The following ELL variants were observed in gnomAD, a reference collection of about 807,000 sequenced individuals.
ELL encodes elongation factor for RNA polymerase II, also known as RNA polymerase II elongation factor ELL.
Under a neutral mutation model 64.0 loss-of-function variants are expected in ELL, and 18 were observed. The observed-to-expected ratio is 0.28, with a 90% CI of 0.19 to 0.42. The LOEUF (loss-of-function observed/expected upper bound fraction) is 0.42, where lower values mean the gene tolerates loss of function less well. Among genes scored for constraint, ELL ranks in the 10% least tolerant of loss-of-function variants. ELL has a pLI of 1.00. For missense variants in ELL, 797 were observed against 870.4 expected (o/e 0.92, Z 1.06); for synonymous variants, 399 against 376.2 (o/e 1.06, Z -0.70).
At chr19:18,469,908 T>C (rs1199093650) in intron 2 of ELL, among the ~76,000 whole-genome samples, 1 of 152,178 alleles carries the variant, frequency 6.6e-6, no homozygotes, top group East Asian at 1.9e-4. Context: ...ACTGGATCCA[T>C]GAAGGAACAC....
rs1433282238 is a variant in ELL at position 18,450,526 on chromosome 19, G to A, written c.1416C>T (p.Asp472=). 1 of 1,613,186 alleles carries A rather than the reference G, an allele frequency of 6.2e-7. No homozygotes were observed. Among genetic ancestry groups the A allele is most frequent in the Non-Finnish European group, 8.5e-7 (1 of 1,179,958 alleles). ...AEDKPRAQLP[D]CAPATHATPG... Reference sequence around the variant, plus strand: ...GGGTGGCATGGGTGGCAGGTGCACAGTCTGGAAGCTGGGCCCGGGGCTTGT... The same window carrying A: ...GGGTGGCATGGGTGGCAGGTGCACAATCTGGAAGCTGGGCCCGGGGCTTGT... Residue 472 remains aspartate (D), a synonymous_variant, in exon 8 of 12, where the codon GAC becomes GAT. Transcript: ENST00000262809.
chr19:18,488,530 G>A (rs1242436243), intron 1 of ELL, among the ~76,000 whole-genome samples: 1 of 152,204 alleles, frequency 6.6e-6, no homozygotes, highest in Non-Finnish European at 1.5e-5. Context: ...CTAGGGAGGG[G>A]CTGCATGCTC....
intron 2 of ELL, among the ~76,000 whole-genome samples, chr19:18,467,835 C>T (rs1398569405): frequency 4.7e-5 from 4 of 85,864 alleles, no homozygotes; most frequent in Non-Finnish European, 6.4e-5. Context: ...CCTCCACACA[C>T]GATCTCCCTA....
rs778489177 is a variant in ELL at position 18,465,879 on chromosome 19, G to A, written c.223C>T (p.Arg75Trp). The A allele has an allele frequency of 6.0e-6, 8 of 1,334,096 alleles. No homozygotes were observed. Among genetic ancestry groups the A allele is most frequent in the Admixed American group, 3.0e-5 (1 of 33,232 alleles). 82.6% of individuals were successfully genotyped at this position (1,334,096 alleles called of 1,614,324 possible). Reference sequence around the variant, plus strand: ...TTGGAGAGGTAGAAGGAGAACGTCCGCGCCTCTGCGGGGCAGTCAGGCTGG... The same window carrying A: ...TTGGAGAGGTAGAAGGAGAACGTCCACGCCTCTGCGGGGCAGTCAGGCTGG... ...IPQPDCPAEA[R>W]TFSFYLSNIG... Residue 75 changes from arginine to tryptophan, a missense_variant, in exon 3 of 12, where the codon CGG becomes TGG. Arg to Trp is a moderately radical substitution (Grantham distance 101). Coordinates refer to ENST00000262809, the MANE Select transcript of ELL (RefSeq NM_006532.4).
At chr19:18,464,804 C>A (rs1264160705) in intron 4 of ELL, among the ~76,000 whole-genome samples, 4 of 152,200 alleles carry the variant, frequency 2.6e-5, no homozygotes, top group Non-Finnish European at 5.9e-5. Context: ...GCTCTGTAAA[C>A]AAACAGCACT....
At chr19:18,484,039 G>C (rs1056482949) in intron 1 of ELL, among the ~76,000 whole-genome samples, 1 of 152,234 alleles carries the variant, frequency 6.6e-6, no homozygotes, top group Non-Finnish European at 1.5e-5. Flanking sequence ...GTCGTATGTG[G>C]GCACCTGCTG....
chr19:18,521,650 G>A (rs112551620), intron 1 of ELL, among the ~76,000 whole-genome samples: 1,694 of 152,028 alleles, frequency 0.011, 16 homozygotes, highest in South Asian at 0.049. Context: ...GCCAGGTGCC[G>A]ACACCGACGC....
At chr19:18,459,526 T>TAACAGTTGAGTAA (rs1230110716) in intron 5 of ELL, among the ~76,000 whole-genome samples, 1 of 151,706 alleles carries the variant, frequency 6.6e-6, no homozygotes, top group African/African-American at 2.4e-5. Flanking sequence ...GGAGCATTTT[T>TAACAGTTGAGTAA]TTTTTTTTTT....
intron 1 of ELL, among the ~76,000 whole-genome samples, chr19:18,490,813 G>A (rs1481939985): frequency 6.6e-6 from 1 of 152,112 alleles, no homozygotes; most frequent in Non-Finnish European, 1.5e-5. Context: ...CAGGTGTAGT[G>A]CCTGCCATCT....
chr19:18,477,525 T>C (rs1975202376), intron 1 of ELL, among the ~76,000 whole-genome samples: 1 of 152,116 alleles, frequency 6.6e-6, no homozygotes, highest in Non-Finnish European at 1.5e-5. Flanking sequence ...TGGCGCATCA[T>C]GAGCAAATCA....
intron 1 of ELL, among the ~76,000 whole-genome samples, chr19:18,520,830 T>G (rs1278482324): frequency 2.6e-5 from 4 of 150,952 alleles, no homozygotes; most frequent in African/African-American, 9.8e-5. Context: ...AGCCCCCAAT[T>G]TCCAGAAAAG....
intron 1 of ELL, among the ~76,000 whole-genome samples, chr19:18,509,971 T>C (rs1262373188): frequency 1.3e-5 from 2 of 152,238 alleles, no homozygotes; most frequent in Non-Finnish European, 2.9e-5. Context: ...AGAAGGGCCC[T>C]GAAGCCTCAG....
At chr19:18,479,776 G>T (rs1164042804) in intron 1 of ELL, among the ~76,000 whole-genome samples, 1 of 151,488 alleles carries the variant, frequency 6.6e-6, no homozygotes, top group Non-Finnish European at 1.5e-5. Flanking sequence ...AAACTAGGGA[G>T]AGGGCACAGT....
chr19:18,453,700 A>G (rs767815676), intron 6 of ELL, among the ~76,000 whole-genome samples: 6 of 152,156 alleles, frequency 3.9e-5, no homozygotes, highest in Non-Finnish European at 5.9e-5. Context: ...TGGGATCACA[A>G]GAGCACAACA....
intron 1 of ELL, among the ~76,000 whole-genome samples, chr19:18,508,097 G>A (rs1600501209): frequency 6.6e-6 from 1 of 152,192 alleles, no homozygotes; most frequent in Non-Finnish European, 1.5e-5. Context: ...AAAAACTCCC[G>A]GAAAACCCAG....
At position 18,449,821 on chromosome 19, in the gene ELL, G is replaced by A. The variant is rs1030110319; in HGVS notation, c.1465+656C>T. Among the ~76,000 whole-genome samples, 1 of 152,232 alleles carries A rather than the reference G, an allele frequency of 6.6e-6. No individual in the cohort carries two copies. The highest frequency in any genetic ancestry group is 6.5e-5 in the Admixed American group (1 of 15,284). ...TGCTGGTTCCTATAAATGAACAGCT[G>A]CGCAGGCTCATGGCCACGGTGCTAG... On this transcript the variant is annotated intron_variant, in intron 8 of 11. Coordinates refer to ENST00000262809, the MANE Select transcript of ELL (RefSeq NM_006532.4). This position sits in a 1 kb window ranked among gnomAD's most constrained non-coding sequence, Gnocchi z 4.4.
At chr19:18,489,489 GCCAT>G (rs1354241562) in intron 1 of ELL, among the ~76,000 whole-genome samples, 1 of 152,154 alleles carries the variant, frequency 6.6e-6, no homozygotes, top group East Asian at 1.9e-4. Context: ...CTTGGCTGCT[GCCAT>G]CCAAGACCTG....
chr19:18,521,247 C>G (rs1340955665), intron 1 of ELL, among the ~76,000 whole-genome samples: 4 of 152,078 alleles, frequency 2.6e-5, no homozygotes, highest in Admixed American at 2.0e-4. Context: ...GAGAGGGTCA[C>G]CTGGGGGTAA....
intron 1 of ELL, among the ~76,000 whole-genome samples, chr19:18,508,554 G>C (rs1340922941): frequency 1.3e-5 from 2 of 152,228 alleles, no homozygotes; most frequent in African/African-American, 2.4e-5. Flanking sequence ...AGGGCTGCCT[G>C]GCACTGCACA....
Sources: gnomAD v4.1 joint callset for allele counts (sites outside exome capture counted in the v4.1 genomes callset) on GRCh38, gnomAD v4.1.1 for gene constraint, Gnocchi (gnomAD v3.1) non-coding constraint, MANE v1.5 for transcripts, NCBI Gene and HGNC (gene_info 2026-07-23, HGNC 2026-07-21) for gene names.